CACNA1I: variants seen among roughly 807,000 people sequenced by gnomAD.
CACNA1I encodes voltage-dependent T-type calcium channel subunit alpha-1I.
A neutral mutation model predicts 201.6 loss-of-function variants in CACNA1I; 74 were observed. The observed-to-expected ratio is 0.37, with a 90% CI of 0.30 to 0.45. CACNA1I has a LOEUF of 0.45. Among genes scored for constraint, CACNA1I ranks in the 20% least tolerant of loss-of-function variants. The pLI is 1.00. For synonymous variants in CACNA1I, 1,431 were observed against 1,345.2 expected (o/e 1.06, Z -1.40); for missense variants, 2,346 against 3,138.1 (o/e 0.75, Z 6.03).
Position 39,686,239 on chromosome 22 carries a change from C to A in CACNA1I, c.6506C>A (p.Ala2169Asp). 8.0e-7 allele frequency: 1 copy of A among 1,251,504 alleles called. No homozygotes were observed. Among genetic ancestry groups the A allele is most frequent in the Non-Finnish European group, 1.0e-6 (1 of 1,001,994 alleles). The allele number at this position is 1,251,504 out of a possible 1,614,324, so 77.5% of individuals were successfully genotyped here. The change falls in exon 37 of 37, where the codon GCC becomes GAC. Residue 2169 changes from alanine to aspartate, a missense_variant. Transcript: ENST00000402142. ...LAAPGRPHAAALAHGLARSPS... is the reference protein window; with the variant it reads ...LAAPGRPHAADLAHGLARSPS... ...GCCCCCGGCCGCCCCCACGCCGCCG[C>A]CCTGGCCCACGGCCTGGCCCGGAGC...
chr22:39,637,518 T>A (rs993364003), intron 5 of CACNA1I, among the ~76,000 whole-genome samples: 5 of 152,070 alleles, frequency 3.3e-5, no homozygotes, highest in Admixed American at 1.3e-4. Flanking sequence ...TTGGCAGCAC[T>A]CCTGTGTATT....
At chr22:39,667,413 T>A (rs990205060) in intron 23 of CACNA1I, among the ~76,000 whole-genome samples, 4 of 151,770 alleles carry the variant, frequency 2.6e-5, no homozygotes. Context: ...CAGAGGGGGG[T>A]GAGACCACCT....
chr22:39,668,279 C>T lies in CACNA1I; in HGVS notation c.4105-13C>T. On this transcript the variant is annotated splice_polypyrimidine_tract_variant and intron_variant, in intron 23 of 36. Coordinates refer to ENST00000402142, the MANE Select transcript of CACNA1I (RefSeq NM_021096.4). ...GTCCTCACCCCTGCATTCCGCCTCC[C>T]CATGTCTCCCAGGCTCTGATGTCCC... 1 of 1,587,208 alleles carries T rather than the reference C, an allele frequency of 6.3e-7. No homozygotes were observed.
intron 4 of CACNA1I, among the ~76,000 whole-genome samples, chr22:39,632,076 G>C (rs73424168): frequency 0.025 from 3,740 of 152,198 alleles, 150 homozygotes; most frequent in African/African-American, 0.084. Context: ...GTTTGCAGGA[G>C]CCTTTTGGAA....
chr22:39,595,946 C>T (rs1004660679), intron 1 of CACNA1I, among the ~76,000 whole-genome samples: 4 of 147,740 alleles, frequency 2.7e-5, no homozygotes, highest in East Asian at 4.2e-4. Flanking sequence ...AGAGGGCGTG[C>T]GGCAGCTGGG....
intron 35 of CACNA1I, among the ~76,000 whole-genome samples, chr22:39,683,747 A>AC (rs1171481541): frequency 6.8e-5 from 1 of 14,692 alleles, no homozygotes; most frequent in Non-Finnish European, 1.4e-4. Flanking sequence ...CAGACCCCCC[A>AC]CCCCCATCCT....
chr22:39,600,500 C>T lies in CACNA1I; in HGVS notation c.349-20C>T. The T allele has an allele frequency of 1.2e-6, 2 of 1,608,976 alleles. No individual in the cohort carries two copies. The highest frequency in any genetic ancestry group is 1.7e-6 in the Non-Finnish European group (2 of 1,177,062). ...TGCAACCTCACCCTGTCCCTTGCTT[C>T]CCTCCTCCTGCCCCTGCAGGTCTTT... On this transcript the variant is annotated intron_variant, in intron 2 of 36. Transcript: ENST00000402142.
Position 39,648,566 on chromosome 22 carries a change from G to T in CACNA1I, c.1567+640G>T, listed in dbSNP as rs1398082079. ...CTGACCCCTGGGTTCCTGGCTGCCC[G>T]CCCTGACTCCAGAGGTGTGAATGAG... is the stretch of plus-strand genomic sequence containing the variant. On this transcript the variant is annotated intron_variant, in intron 9 of 36. Transcript: ENST00000402142. This position sits in a 1 kb window ranked among gnomAD's most constrained non-coding sequence, Gnocchi z 5.4. 6.6e-6 allele frequency among the ~76,000 whole-genome samples: 1 copy of T among 152,104 alleles called. No individual in the cohort carries two copies. Among genetic ancestry groups the T allele is most frequent in the Non-Finnish European group, 1.5e-5 (1 of 68,012 alleles).
chr22:39,600,760 C>T (rs528747378), intron 3 of CACNA1I, 107 bp downstream of exon 3: 16 of 1,353,874 alleles, frequency 1.2e-5, no homozygotes, highest in Middle Eastern at 2.6e-4. Context: ...CACGGTGATG[C>T]GTGGGACCCT....
In CACNA1I at chr22:39,684,871, A is replaced by T; in HGVS notation, c.6027+373A>T. On this transcript the variant is annotated intron_variant, in intron 36 of 36. Coordinates refer to ENST00000402142, the MANE Select transcript of CACNA1I (RefSeq NM_021096.4). The surrounding 1 kb of genome is among the most constrained non-coding windows in gnomAD (Gnocchi z 4.6). Reference sequence around the variant, plus strand: ...ACCCTGGGTGCTCTGGGTGGGTGTGAGTGGGGGCTTGATTACTAGGAATGG... The same window carrying T: ...ACCCTGGGTGCTCTGGGTGGGTGTGTGTGGGGGCTTGATTACTAGGAATGG... 3.8e-5 allele frequency: 14 copies of T among 365,634 alleles called. No homozygotes were observed. The highest frequency in any genetic ancestry group is 5.0e-5 in the East Asian group (1 of 20,090). 22.6% of individuals were successfully genotyped at this position (365,634 alleles called of 1,614,324 possible). A position where few individuals can be genotyped will look rare whatever the true frequency, so the allele number is the denominator to read the frequency against.
chr22:39,613,297 G>T (rs914592070), intron 3 of CACNA1I, among the ~76,000 whole-genome samples: 3 of 152,144 alleles, frequency 2.0e-5, no homozygotes, highest in South Asian at 4.1e-4. Flanking sequence ...CCCAGCAGGG[G>T]CTCTGAGCCA....
At chr22:39,620,237 G>GTCCATCCA (rs67971450) in intron 4 of CACNA1I, among the ~76,000 whole-genome samples, 68 of 117,762 alleles carry the variant, frequency 5.8e-4, no homozygotes, top group African/African-American at 1.6e-3. Context: ...CCATCCACCT[G>GTCCATCCA]TCCATCCATC....
chr22:39,634,499 C>T, intron 4 of CACNA1I, 66 bp from the exon 5 acceptor site: 1 of 1,520,444 alleles, frequency 6.6e-7, no homozygotes, highest in Non-Finnish European at 9.1e-7. Flanking sequence ...TAACCTTGCT[C>T]TCACTCTTTC....
Position 39,664,189 on chromosome 22 carries a change from C to G in CACNA1I, c.3666+30C>G, listed in dbSNP as rs763288812. ...CTCCCGGTTTCACCCGGGACCCCTG[C>G]TAGCCCCAGCTCGGGCCCCTGGCCC... On this transcript the variant is annotated intron_variant, in intron 20 of 36. Coordinates refer to ENST00000402142, the MANE Select transcript of CACNA1I (RefSeq NM_021096.4). The G allele has an allele frequency of 3.1e-6, 5 of 1,587,514 alleles. No individual in the cohort carries two copies. The East Asian group carries it at 1.1e-4, about 36-fold the overall frequency.
chr22:39,649,665 G>A lies in CACNA1I; in HGVS notation c.1732G>A (p.Gly578Ser), dbSNP rs1219721468. 6.6e-7 allele frequency: 1 copy of A among 1,514,374 alleles called. No homozygotes were observed. The highest frequency in any genetic ancestry group is 8.9e-7 in the Non-Finnish European group (1 of 1,128,022). 93.8% of individuals were successfully genotyped at this position (1,514,374 alleles called of 1,614,324 possible). Residue 578 changes from glycine to serine, a missense_variant, in exon 10 of 37, where the codon GGC becomes AGC. Gly to Ser is a moderately conservative substitution (Grantham distance 56). This residue lies in a region of CACNA1I where 312 missense variants were observed against 331.5 expected (regional missense o/e 0.94). Coordinates refer to ENST00000402142, the MANE Select transcript of CACNA1I (RefSeq NM_021096.4). This position sits in a 1 kb window ranked among gnomAD's most constrained non-coding sequence, Gnocchi z 7.3. ...GSTDSGQEGSGSGSSAGGEDE... is the reference protein window; with the variant it reads ...GSTDSGQEGSSSGSSAGGEDE... ...CACCGACTCGGGCCAGGAGGGCTCG[G>A]GCTCCGGGAGCTCCGCTGGTGGCGA...
intron 4 of CACNA1I, among the ~76,000 whole-genome samples, chr22:39,623,595 TGTGTGTGTGCCTGTGAGG>T (rs1933812993): frequency 7.1e-6 from 1 of 141,732 alleles, no homozygotes; most frequent in Non-Finnish European, 1.5e-5. Flanking sequence ...TTTGCTGTGA[TGTGTGTGTGCCTGTGAGG>T]GTGTGTGTGC....
intron 4 of CACNA1I, among the ~76,000 whole-genome samples, chr22:39,623,267 G>A (rs1414269222): frequency 1.3e-5 from 2 of 152,098 alleles, no homozygotes; most frequent in African/African-American, 2.4e-5. Context: ...GCAATGAAGG[G>A]TGTGCACAGG....
At chr22:39,618,725 TGGGGGGCA>T (rs1423003927) in intron 3 of CACNA1I, among the ~76,000 whole-genome samples, 3 of 94,950 alleles carry the variant, frequency 3.2e-5, no homozygotes, top group Admixed American at 1.2e-4. Flanking sequence ...GGTCTGGTGA[TGGGGGGCA>T]GGGGGGGTCA....
chr22:39,646,510 A>G, intron 7 of CACNA1I, 59 bp from the exon 8 acceptor site: 1 of 1,480,424 alleles, frequency 6.8e-7, no homozygotes, highest in Non-Finnish European at 9.0e-7. Context: ...TGCCTCTCTC[A>G]CCCTTCTGTC....
Sources: allele counts gnomAD v4.1 joint callset (sites outside exome capture counted in the v4.1 genomes callset), GRCh38; gene constraint gnomAD v4.1.1; regional missense constraint gnomAD v4.1.1; non-coding constraint Gnocchi (gnomAD v3.1); transcripts MANE v1.5; gene names NCBI Gene and HGNC (gene_info 2026-07-23, HGNC 2026-07-21).